Variants in ST6GALNAC2 observed in about 807,000 individuals in gnomAD.
ST6GALNAC2 encodes alpha-N-acetylgalactosaminide alpha-2,6-sialyltransferase 2.
A neutral mutation model predicts 38.7 loss-of-function variants in ST6GALNAC2; 42 were observed. That is an observed-to-expected ratio of 1.09 (90% confidence interval 0.85 to 1.40). ST6GALNAC2 has a LOEUF of 1.40. Ranked by LOEUF, ST6GALNAC2 falls within the 40% of genes most tolerant of loss-of-function variation. The pLI is 0.00. For missense variants in ST6GALNAC2, 506 were observed against 481.7 expected (o/e 1.05, Z -0.47); for synonymous variants, 233 against 209.0 (o/e 1.11, Z -0.99).
Position 76,566,252 on chromosome 17 carries a change from A to G in ST6GALNAC2, c.977T>C (p.Ile326Thr), listed in dbSNP as rs1209984770. 9 of 1,614,016 alleles carry G rather than the reference A, an allele frequency of 5.6e-6. No homozygotes were observed. The highest frequency in any genetic ancestry group is 5.0e-5 in the Admixed American group (3 of 60,002). ...TCDQVSAYGF[I>T]TSNYWKFSDH... ...GGAAAATTTCCAGTAGTTGCTTGTG[A>G]TGAATCCATAGGCACTGACCTGGGC... Residue 326 changes from isoleucine (I) to threonine (T), a missense_variant, in exon 9 of 9, where the codon ATC (isoleucine) becomes ACC (threonine). By Grantham distance (89) the Ile-to-Thr change is moderately conservative. Transcript: ENST00000225276.
At chr17:76,583,244 C>G (rs1054822940) in intron 1 of ST6GALNAC2, among the ~76,000 whole-genome samples, 3 of 151,676 alleles carry the variant, frequency 2.0e-5, no homozygotes, top group African/African-American at 4.8e-5. Context: ...GGCATGGTGG[C>G]GGGCACCTGT....
rs768999066 is a variant in ST6GALNAC2, at chr17:76,574,449, A to T, written c.277T>A (p.Trp93Arg). ...AGCGCTGGGGTGAAGAGGTCCCCCC[A>T]CAGCAGCACTGGAATGGAGAGATTG... Reference protein sequence around the residue: ...LFNLSIPVLLWGDLFTPALWD... With the variant: ...LFNLSIPVLLRGDLFTPALWD... Residue 93 changes from tryptophan to arginine, a missense_variant, in exon 3 of 9, where the codon TGG becomes AGG. Coordinates refer to ENST00000225276, the MANE Select transcript of ST6GALNAC2 (RefSeq NM_006456.3). The T allele has an allele frequency of 1.9e-6, 3 of 1,613,936 alleles. No individual in the cohort carries two copies.
Position 76,565,967 on chromosome 17 carries a change from G to C in ST6GALNAC2, c.*137C>G, listed in dbSNP as rs369310194. Reference sequence around the variant, plus strand: ...GGGTGTCCTATATTGAACAGACCTCGATGAAAATCTTGAATTCACCCCAGT... The same window carrying C: ...GGGTGTCCTATATTGAACAGACCTCCATGAAAATCTTGAATTCACCCCAGT... On this transcript the variant is annotated 3_prime_UTR_variant, in exon 9 of 9. Transcript: ENST00000225276. 1.1e-6 allele frequency: 1 copy of C among 885,012 alleles called. No homozygotes were observed. Among genetic ancestry groups the C allele is most frequent in the South Asian group, 1.8e-5 (1 of 56,098 alleles). The allele number at this position is 885,012 out of a possible 1,614,324, so 54.8% of individuals were successfully genotyped here. A position where few individuals can be genotyped will look rare whatever the true frequency, so the allele number is the denominator to read the frequency against.
rs1310133612 is a variant in ST6GALNAC2 at position 76,566,218 on chromosome 17, A to T, written c.1011T>A (p.Tyr337Ter). 6.2e-7 allele frequency: 1 copy of T among 1,614,050 alleles called. No homozygotes were observed. ...TCAATGGCTTCATTTTTCGTTCGAA[A>T]TAGTGGTCGGAAAATTTCCAGTAGT... ...TSNYWKFSDH[Y>*]FERKMKPLIF... Residue 337 changes from tyrosine (Y) to a stop codon, truncating the protein, a stop_gained, in exon 9 of 9, where the codon TAT (tyrosine) becomes TAA (stop). Coordinates refer to ENST00000225276, the MANE Select transcript of ST6GALNAC2 (RefSeq NM_006456.3). LOFTEE classifies it low-confidence loss of function (END_TRUNC).
chr17:76,574,718 C>T (rs946750587), intron 2 of ST6GALNAC2, among the ~76,000 whole-genome samples, 179 bp from the exon 3 acceptor site: 2 of 151,780 alleles, frequency 1.3e-5, no homozygotes, highest in African/African-American at 4.8e-5. Flanking sequence ...GCTCTGTCGC[C>T]CAGGCTGGAG....
At chr17:76,578,289 C>A (rs1054289087) in intron 2 of ST6GALNAC2, among the ~76,000 whole-genome samples, 1 of 152,106 alleles carries the variant, frequency 6.6e-6, no homozygotes, top group African/African-American at 2.4e-5. Context: ...CGTGAGAGAA[C>A]GCAGGTAAAG....
chr17:76,584,863 G>A (rs1232733985), intron 1 of ST6GALNAC2, among the ~76,000 whole-genome samples: 1 of 152,224 alleles, frequency 6.6e-6, no homozygotes, highest in East Asian at 1.9e-4. Flanking sequence ...TGAGGCTGCC[G>A]GGCCCTTCCC....
Position 76,569,089 on chromosome 17 carries a change from G to C in ST6GALNAC2, c.774-293C>G. ...GCAGTTAAACTGGGGGTGGTGGGGGGGCGGGGGAAGGAGAGGTAAGTAGAG... is the reference window on the plus strand; with the variant it reads ...GCAGTTAAACTGGGGGTGGTGGGGGCGCGGGGGAAGGAGAGGTAAGTAGAG... On this transcript the variant is annotated intron_variant, in intron 6 of 8. Transcript: ENST00000225276. 2.7e-5 allele frequency: 3 copies of C among 109,642 alleles called. No homozygotes were observed. In the East Asian group the frequency reaches 6.2e-4, roughly 22 times the overall value. The allele number at this position is 109,642 out of a possible 1,614,324, so 6.8% of individuals were successfully genotyped here.
At chr17:76,578,883 T>C in intron 1 of ST6GALNAC2, 67 bp from the exon 2 acceptor site, 2 of 1,443,384 alleles carry the variant, frequency 1.4e-6, no homozygotes, top group Non-Finnish European at 1.9e-6. Flanking sequence ...GCTTTTGGAC[T>C]GACCGACCCC....
rs1474209040 is a variant in ST6GALNAC2 at position 76,566,266 on chromosome 17, A to G, written c.963T>C (p.Ser321=). The G allele has an allele frequency of 2.5e-6, 4 of 1,614,106 alleles. No homozygotes were observed. The highest frequency in any genetic ancestry group is 3.4e-6 in the Non-Finnish European group (4 of 1,180,012). The change falls in exon 9 of 9, where the codon AGT becomes AGC. Residue 321 remains serine (S), a synonymous_variant. Transcript: ENST00000225276. ...AGTTGCTTGTGATGAATCCATAGGCACTGACCTGGGCAAGGATAGTCGCTG... is the reference window on the plus strand; with the variant it reads ...AGTTGCTTGTGATGAATCCATAGGCGCTGACCTGGGCAAGGATAGTCGCTG... The part of the protein sequence containing the change: ...LTALHTCDQV[S]AYGFITSNYW...
At chr17:76,580,613 G>A (rs755584992) in intron 1 of ST6GALNAC2, among the ~76,000 whole-genome samples, 31 of 151,950 alleles carry the variant, frequency 2.0e-4, no homozygotes, top group Non-Finnish European at 3.5e-4. Context: ...CAGGCTACTC[G>A]GGAGGCTGAG....
At chr17:76,577,082 T>C (rs2075426408) in intron 2 of ST6GALNAC2, among the ~76,000 whole-genome samples, 2 of 145,214 alleles carry the variant, frequency 1.4e-5, no homozygotes, top group Admixed American at 6.8e-5. Flanking sequence ...TTTTTTTTTT[T>C]TGAGACGGAG....
chr17:76,573,093 C>A lies in ST6GALNAC2; in HGVS notation c.530+102G>T. The A allele has an allele frequency of 7.7e-7, 1 of 1,303,030 alleles. No individual in the cohort carries two copies. Among genetic ancestry groups the A allele is most frequent in the Non-Finnish European group, 1.0e-6 (1 of 957,346 alleles). The allele number at this position is 1,303,030 out of a possible 1,614,324, so 80.7% of individuals were successfully genotyped here. ...CGTGTGCTGGTCACAACTGCTGAGC[C>A]GCCCAGGCCACTGCTGCCATAGCCC... On this transcript the variant is annotated intron_variant, in intron 4 of 8. Transcript: ENST00000225276. The surrounding 1 kb of genome is among the most constrained non-coding windows in gnomAD (Gnocchi z 5.1).
At chr17:76,570,929 A>G (rs1234335957) in intron 5 of ST6GALNAC2, 3 of 417,592 alleles carry the variant, frequency 7.2e-6, no homozygotes, top group African/African-American at 6.0e-5. Flanking sequence ...TTTTTCTGAT[A>G]AAGAGGAAAG....
rs1439845178 is a variant in ST6GALNAC2, at chr17:76,568,795, G to A, written c.775C>T (p.Pro259Ser). Residue 259 changes from proline to serine, a missense_variant and splice_region_variant, in exon 7 of 9, where the codon CCG becomes TCG. By Grantham distance (74) the Pro-to-Ser change is moderately conservative (BLOSUM62 -1). Coordinates refer to ENST00000225276, the MANE Select transcript of ST6GALNAC2 (RefSeq NM_006456.3). ...GCTTCTGGTCCAAAATAGGCGTGCG[G>A]CCTAGGACCCATGATAGAAGTGGAC... Reference protein sequence around the residue: ...VPEGLDKGDRPHAYFGPEASA... With the variant: ...VPEGLDKGDRSHAYFGPEASA... 6.2e-7 allele frequency: 1 copy of A among 1,613,044 alleles called. No individual in the cohort carries two copies. Among genetic ancestry groups the A allele is most frequent in the Non-Finnish European group, 8.5e-7 (1 of 1,179,932 alleles).
intron 2 of ST6GALNAC2, 31 bp from the exon 3 acceptor site, chr17:76,574,570 G>T: frequency 2.0e-6 from 1 of 500,962 alleles, no homozygotes; most frequent in Non-Finnish European, 4.0e-6. Context: ...GCTGAGCCCC[G>T]TTAGGTAGGG....
At chr17:76,575,886 T>G (rs185557520) in intron 2 of ST6GALNAC2, among the ~76,000 whole-genome samples, 80 of 152,338 alleles carry the variant, frequency 5.3e-4, no homozygotes, top group Non-Finnish European at 7.3e-4. Context: ...TGTACAGTAA[T>G]TTCTGCTATA....
intron 1 of ST6GALNAC2, among the ~76,000 whole-genome samples, chr17:76,582,795 C>T (rs1050141980): frequency 2.6e-5 from 4 of 152,226 alleles, no homozygotes; most frequent in Non-Finnish European, 5.9e-5. Flanking sequence ...TGTGGCCTGC[C>T]GGCTCTGCCC....
intron 5 of ST6GALNAC2, among the ~76,000 whole-genome samples, chr17:76,571,410 A>G (rs913022555): frequency 6.6e-6 from 1 of 152,214 alleles, no homozygotes; most frequent in Non-Finnish European, 1.5e-5. Flanking sequence ...CCTGGCCAAC[A>G]TGGTGAAACC....
Sources: gnomAD v4.1 joint callset for allele counts (sites outside exome capture counted in the v4.1 genomes callset) on GRCh38, gnomAD v4.1.1 for gene constraint, Gnocchi (gnomAD v3.1) non-coding constraint, MANE v1.5 for transcripts, NCBI Gene and HGNC (gene_info 2026-07-23, HGNC 2026-07-21) for gene names.